The following CLIC5 variants were observed in gnomAD, a reference collection of about 807,000 sequenced individuals.
CLIC5 encodes the protein CLIC family member 5.
A neutral mutation model predicts 24.7 loss-of-function variants in CLIC5; 20 were observed. The ratio of observed to expected loss-of-function variants is 0.81; its 90% CI spans 0.57 to 1.18. CLIC5 has a LOEUF of 1.18. Among genes scored for constraint, CLIC5 ranks in the 50% most tolerant of loss-of-function variants. The pLI is 0.00. For synonymous variants in CLIC5, 159 were observed against 135.6 expected (o/e 1.17, Z -1.20); for missense variants, 341 against 326.1 (o/e 1.05, Z -0.35).
the CLIC5 span, among the ~76,000 whole-genome samples, chr6:46,107,966 T>C: frequency 1.5e-5 from 2 of 132,066 alleles, no homozygotes; most frequent in East Asian, 4.7e-4. Context: ...CCCAGGAGGC[T>C]GGGGTTGCAG....
chr6:45,991,149 CAG>C (rs1331917635), intron 1 of CLIC5, among the ~76,000 whole-genome samples: 2 of 152,168 alleles, frequency 1.3e-5, no homozygotes, highest in African/African-American at 2.4e-5. Context: ...TTCTAGCTAA[CAG>C]AACATAGTAA....
chr6:46,041,796 TG>T (rs1767815878), intron 1 of CLIC5, among the ~76,000 whole-genome samples: 1 of 152,196 alleles, frequency 6.6e-6, no homozygotes, highest in South Asian at 2.1e-4. Context: ...ACTAACTTGT[TG>T]GGTGGTTGCA....
Position 45,935,051 on chromosome 6 carries a change from A to G in CLIC5, c.406+6496T>C, listed in dbSNP as rs554666429. Among the ~76,000 whole-genome samples the G allele has an allele frequency of 7.2e-5, 11 of 152,362 alleles. No homozygotes were observed. The South Asian group carries it at 1.4e-3, about 20-fold the overall frequency. On this transcript the variant is annotated intron_variant, in intron 4 of 5. Transcript: ENST00000339561. ...GTGAAATATAGCACTTTCTGCCTAG[A>G]TTATGATAAGTAACTAAAATGAATT... is the stretch of plus-strand genomic sequence containing the variant.
chr6:46,069,609 G>C (rs1285712266), intron 1 of CLIC5, among the ~76,000 whole-genome samples: 1 of 151,906 alleles, frequency 6.6e-6, no homozygotes, highest in Non-Finnish European at 1.5e-5. Context: ...AAAAGCCCAT[G>C]ACCAGAAAGA....
chr6:46,003,014 C>T (rs1158021999), intron 1 of CLIC5, among the ~76,000 whole-genome samples: 1 of 152,178 alleles, frequency 6.6e-6, no homozygotes, highest in Non-Finnish European at 1.5e-5. Context: ...ATTCTGATGT[C>T]AGGGGATGAA....
intron 1 of CLIC5, among the ~76,000 whole-genome samples, chr6:46,004,786 C>T (rs564301277): frequency 3.9e-5 from 6 of 152,318 alleles, no homozygotes; most frequent in Admixed American, 6.5e-5. Flanking sequence ...CCCTACACAG[C>T]TCCCCTCTCC....
At chr6:45,983,003 CT>C (rs1765616517) in intron 1 of CLIC5, among the ~76,000 whole-genome samples, 1 of 152,186 alleles carries the variant, frequency 6.6e-6, no homozygotes, top group Admixed American at 6.5e-5. Flanking sequence ...ATTACTAAGG[CT>C]GGTTGCCTAC....
intron 1 of CLIC5, among the ~76,000 whole-genome samples, chr6:45,967,285 G>A (rs529210124): frequency 6.6e-6 from 1 of 152,218 alleles, no homozygotes; most frequent in Non-Finnish European, 1.5e-5. Flanking sequence ...GGGATGTAGT[G>A]ATGTGGTGAT....
chr6:45,974,045 A>G (rs1165483156), intron 1 of CLIC5, among the ~76,000 whole-genome samples: 3 of 152,216 alleles, frequency 2.0e-5, no homozygotes, highest in Non-Finnish European at 4.4e-5. Flanking sequence ...AGGGAGTGTC[A>G]CAGTAGGAGA....
intron 1 of CLIC5, among the ~76,000 whole-genome samples, chr6:45,970,857 C>A (rs1300459595): frequency 6.6e-6 from 1 of 152,198 alleles, no homozygotes; most frequent in Non-Finnish European, 1.5e-5. Context: ...GACAACTAGA[C>A]AATGCCTACA....
At position 46,031,887 on chromosome 6, in the gene CLIC5, T is replaced by C. The variant is rs186446176; in HGVS notation, c.540+47816A>G. On this transcript the variant is annotated intron_variant, in intron 1 of 5. Transcript: ENST00000185206. ...CACATATATATATAACATATATATA[T>C]ACACACATATATATATACAACATAT... Among the ~76,000 whole-genome samples, 165 of 146,714 alleles carry C rather than the reference T, an allele frequency of 1.1e-3. 3 individuals are homozygous for C. In the East Asian group the frequency reaches 0.029, roughly 25 times the overall value.
At chr6:46,007,915 CTT>C (rs11411756) in intron 1 of CLIC5, among the ~76,000 whole-genome samples, 110 of 139,282 alleles carry the variant, frequency 7.9e-4, no homozygotes, top group South Asian at 2.5e-3. Flanking sequence ...TTTTCTTTTT[CTT>C]TTTTTTTTTT....
intron 4 of CLIC5, among the ~76,000 whole-genome samples, chr6:45,926,450 G>T (rs1279229357): frequency 6.6e-6 from 1 of 151,042 alleles, no homozygotes; most frequent in African/African-American, 2.4e-5. Flanking sequence ...TAGAGATGGG[G>T]TTTCACCATA....
chr6:45,906,197 C>G (rs2127297502), intron 5 of CLIC5, among the ~76,000 whole-genome samples: 3 of 152,266 alleles, frequency 2.0e-5, no homozygotes, highest in Middle Eastern at 6.8e-3. Flanking sequence ...TATTCCGGCT[C>G]ATTTTTGGTT....
the CLIC5 span, among the ~76,000 whole-genome samples, chr6:46,087,536 C>T: frequency 6.6e-6 from 1 of 152,204 alleles, no homozygotes; most frequent in East Asian, 1.9e-4. Flanking sequence ...CAGCACCTGA[C>T]TCTCAGAAAT....
chr6:45,932,926 T>G (rs1349528023), intron 4 of CLIC5: 1 of 152,246 alleles, frequency 6.6e-6, no homozygotes, highest in Admixed American at 6.5e-5. Context: ...CAGTCATTGA[T>G]ATTGTGTTAA....
chr6:46,114,002 C>T, the CLIC5 span, among the ~76,000 whole-genome samples: 5 of 152,072 alleles, frequency 3.3e-5, no homozygotes, highest in African/African-American at 1.2e-4. Context: ...AAGATTTCAG[C>T]GAAGAAACAG....
intron 1 of CLIC5, among the ~76,000 whole-genome samples, chr6:46,063,935 A>G (rs2127471469): frequency 6.6e-6 from 1 of 152,344 alleles, no homozygotes; most frequent in African/African-American, 2.4e-5. Context: ...TTTTAAAGGA[A>G]CACAACAAAA....
intron 1 of CLIC5, among the ~76,000 whole-genome samples, chr6:45,981,784 C>A (rs779126693): frequency 6.6e-6 from 1 of 152,092 alleles, no homozygotes. Context: ...GAGGGTGGAT[C>A]ACCTGAGGAT....
Sources: allele counts gnomAD v4.1 joint callset (sites outside exome capture counted in the v4.1 genomes callset), GRCh38; gene constraint gnomAD v4.1.1; transcripts MANE v1.5; gene names NCBI Gene and HGNC (gene_info 2026-07-23, HGNC 2026-07-21).